PDZRN3: variants seen among roughly 807,000 people sequenced by gnomAD.
PDZRN3 encodes E3 ubiquitin-protein ligase PDZRN3.
In PDZRN3, 38 loss-of-function variants were observed where a neutral mutation model predicts 85.7. That is an observed-to-expected ratio of 0.44 (90% CI 0.34 to 0.58). PDZRN3 has a LOEUF of 0.58. Among genes scored for constraint, PDZRN3 ranks in the 20% least tolerant of loss-of-function variants. The pLI is 0.01. For synonymous variants in PDZRN3, 759 were observed against 638.0 expected (o/e 1.19, Z -2.86); for missense variants, 1,629 against 1,506.4 (o/e 1.08, Z -1.35).
At chr3:73,479,734 A>G (rs551468124) in intron 3 of PDZRN3, among the ~76,000 whole-genome samples, 1 of 151,866 alleles carries the variant, frequency 6.6e-6, no homozygotes, top group African/African-American at 2.4e-5. Flanking sequence ...ACCCCAGCCC[A>G]GGCCTGTGCT....
At chr3:73,430,651 A>G (rs1046811932) in intron 3 of PDZRN3, among the ~76,000 whole-genome samples, 1 of 152,056 alleles carries the variant, frequency 6.6e-6, no homozygotes, top group Non-Finnish European at 1.5e-5. Context: ...CATCAAACCC[A>G]CAGAGCCACA....
chr3:73,439,754 T>TA (rs1702597358), intron 3 of PDZRN3, among the ~76,000 whole-genome samples: 1 of 152,122 alleles, frequency 6.6e-6, no homozygotes, highest in Non-Finnish European at 1.5e-5. Flanking sequence ...TATTTTATTT[T>TA]TTGAAACAGA....
rs543057269 is a variant in PDZRN3, at chr3:73,451,492, G to A, written c.919-47097C>T. Among the ~76,000 whole-genome samples, 3 of 152,218 alleles carry A rather than the reference G, an allele frequency of 2.0e-5. No individual in the cohort carries two copies. In the East Asian group the frequency reaches 5.8e-4, roughly 29 times the overall value. ...CAGGGAACATATGTCATGGATCAGA[G>A]AACACACTGATTAGTCCAACAGAGA... On this transcript the variant is annotated intron_variant, in intron 3 of 9. Transcript: ENST00000263666.
intron 3 of PDZRN3, among the ~76,000 whole-genome samples, chr3:73,456,933 T>G (rs1559689432): frequency 6.9e-6 from 1 of 145,806 alleles, no homozygotes; most frequent in Non-Finnish European, 1.5e-5. Flanking sequence ...AGAAGGGGAG[T>G]AGGGGGAAAA....
intron 8 of PDZRN3, 137 bp from the exon 9 acceptor site, chr3:73,385,922 A>G (rs923108750): frequency 3.5e-5 from 22 of 621,836 alleles, no homozygotes; most frequent in Middle Eastern, 2.5e-4. Context: ...AGTCTGCCCA[A>G]TGATTTGCTG....
chr3:73,426,716 G>T (rs1349453480), intron 3 of PDZRN3, among the ~76,000 whole-genome samples: 3 of 152,074 alleles, frequency 2.0e-5, no homozygotes, highest in African/African-American at 7.2e-5. Flanking sequence ...GTGAACTTGC[G>T]CCAAACCCAC....
At chr3:73,624,027 T>C (rs1387804630) in intron 1 of PDZRN3, 76 bp downstream of exon 1, 1 of 1,326,288 alleles carries the variant, frequency 7.5e-7, no homozygotes, top group Non-Finnish European at 9.7e-7. Flanking sequence ...GGCATCCCTG[T>C]ACCCAAAGGG....
intron 7 of PDZRN3, among the ~76,000 whole-genome samples, chr3:73,388,593 C>T (rs1329456550): frequency 1.3e-5 from 2 of 152,104 alleles, no homozygotes; most frequent in African/African-American, 4.8e-5. Context: ...TTGATTAACC[C>T]TCTTGCAGGA....
intron 2 of PDZRN3, 100 bp downstream of exon 2, chr3:73,608,498 G>A: frequency 1.3e-6 from 1 of 765,248 alleles, no homozygotes; most frequent in South Asian, 1.5e-5. Context: ...GCAGAATGAA[G>A]TGAGCAAAGT....
At chr3:73,409,263 A>G (rs1045713052) in intron 3 of PDZRN3, among the ~76,000 whole-genome samples, 3 of 152,186 alleles carry the variant, frequency 2.0e-5, no homozygotes, top group East Asian at 1.9e-4. Context: ...AAGACAGACA[A>G]TTATGCTGAG....
intron 3 of PDZRN3, among the ~76,000 whole-genome samples, chr3:73,570,887 C>A (rs1010475932): frequency 6.6e-6 from 1 of 152,194 alleles, no homozygotes; most frequent in African/African-American, 2.4e-5. Flanking sequence ...TAGTTTTATT[C>A]TTGCCCTTAA....
At chr3:73,544,505 T>A (rs1701372934) in intron 3 of PDZRN3, among the ~76,000 whole-genome samples, 1 of 152,174 alleles carries the variant, frequency 6.6e-6, no homozygotes. Flanking sequence ...AGTAGGTGTA[T>A]ACACTGTGAA....
chr3:73,400,843 T>G (rs1701734166), intron 5 of PDZRN3, 79 bp downstream of exon 5: 2 of 1,022,754 alleles, frequency 2.0e-6, no homozygotes, highest in Non-Finnish European at 3.1e-6. Flanking sequence ...GTAAACTAAT[T>G]TATGCTTATA....
At chr3:73,547,227 C>A (rs1701447926) in intron 3 of PDZRN3, among the ~76,000 whole-genome samples, 1 of 152,200 alleles carries the variant, frequency 6.6e-6, no homozygotes, top group Non-Finnish European at 1.5e-5. Flanking sequence ...CATTTCATTT[C>A]TGTGGTTTTT....
At chr3:73,606,748 CAG>C (rs1702605056) in intron 2 of PDZRN3, among the ~76,000 whole-genome samples, 1 of 152,134 alleles carries the variant, frequency 6.6e-6, no homozygotes. Context: ...TTTGATAAGA[CAG>C]ATAATGTTCA....
intron 3 of PDZRN3, chr3:73,569,142 T>C (rs757815298): frequency 3.1e-6 from 4 of 1,285,884 alleles, no homozygotes; most frequent in Admixed American, 2.3e-5. Flanking sequence ...TTTCATCACA[T>C]TGCCTCACCT....
intron 3 of PDZRN3, among the ~76,000 whole-genome samples, chr3:73,565,032 C>T (rs1701912609): frequency 6.6e-6 from 1 of 152,004 alleles, no homozygotes; most frequent in Non-Finnish European, 1.5e-5. Context: ...GGTAACTGTA[C>T]ACACAATATC....
At chr3:73,572,078 C>T (rs746101414) in intron 3 of PDZRN3, among the ~76,000 whole-genome samples, 8 of 152,096 alleles carry the variant, frequency 5.3e-5, no homozygotes, top group Non-Finnish European at 8.8e-5. Context: ...TCATTTGGTA[C>T]CTTTCTTTTA....
At chr3:73,541,814 A>G (rs1011463621) in intron 3 of PDZRN3, among the ~76,000 whole-genome samples, 1 of 152,246 alleles carries the variant, frequency 6.6e-6, no homozygotes, top group African/African-American at 2.4e-5. Flanking sequence ...TGTATTGCAC[A>G]GGTCACTGAG....
Sources: allele counts gnomAD v4.1 joint callset (sites outside exome capture counted in the v4.1 genomes callset), GRCh38; gene constraint gnomAD v4.1.1; transcripts MANE v1.5; gene names NCBI Gene and HGNC (gene_info 2026-07-23, HGNC 2026-07-21).